DPP6: variants seen among roughly 807,000 people sequenced by gnomAD.
DPP6 encodes dipeptidyl peptidase like 6.
DPP6 carries 69 observed loss-of-function variants against 122.6 expected under a neutral mutation model. The ratio of observed to expected loss-of-function variants is 0.56; its 90% CI spans 0.46 to 0.69. DPP6 has a LOEUF of 0.69. Among genes scored for constraint, DPP6 ranks in the 30% least tolerant of loss-of-function variants. DPP6 has a pLI of 0.00. For synonymous variants in DPP6, 418 were observed against 433.1 expected (o/e 0.97, Z 0.43); for missense variants, 928 against 1,116.9 (o/e 0.83, Z 2.41).
chr7:154,474,520 G>C (rs994860308), intron 2 of DPP6, among the ~76,000 whole-genome samples: 2 of 152,220 alleles, frequency 1.3e-5, no homozygotes, highest in Admixed American at 1.3e-4. Context: ...CTGTGTCTTT[G>C]AATTCTCAGC....
chr7:154,023,316 C>CTGCACGCG (rs908724975), intron 1 of DPP6, among the ~76,000 whole-genome samples: 1 of 41,778 alleles, frequency 2.4e-5, no homozygotes, highest in African/African-American at 2.2e-4. Flanking sequence ...TGTTTCTTGT[C>CTGCACGCG]TGCACACACA....
At chr7:154,828,944 TAC>T (rs1217507910) in intron 16 of DPP6, among the ~76,000 whole-genome samples, 1 of 152,256 alleles carries the variant, frequency 6.6e-6, no homozygotes, top group Non-Finnish European at 1.5e-5. Flanking sequence ...GAACATCAAA[TAC>T]AGTCTCGGTC....
At chr7:154,177,255 T>C (rs1198085774) in intron 1 of DPP6, among the ~76,000 whole-genome samples, 1 of 152,018 alleles carries the variant, frequency 6.6e-6, no homozygotes, top group Non-Finnish European at 1.5e-5. Flanking sequence ...CAATACAAGG[T>C]TTTTGGTTGA....
At chr7:154,157,985 A>G (rs1427409420) in intron 1 of DPP6, among the ~76,000 whole-genome samples, 2 of 148,180 alleles carry the variant, frequency 1.3e-5, no homozygotes, top group African/African-American at 2.5e-5. Flanking sequence ...ATAAATATAT[A>G]TACATATATA....
chr7:154,870,615 A>AAAAC (rs1170440025), intron 18 of DPP6, among the ~76,000 whole-genome samples: 1 of 151,978 alleles, frequency 6.6e-6, no homozygotes, highest in Non-Finnish European at 1.5e-5. Context: ...CAAAAAACAA[A>AAAAC]AAACAAACAA....
intron 1 of DPP6, among the ~76,000 whole-genome samples, chr7:154,063,397 C>T (rs1329813343): frequency 3.0e-5 from 4 of 134,182 alleles, no homozygotes; most frequent in Non-Finnish European, 6.5e-5. Context: ...GGACTGAGAG[C>T]TATCCCCTCT....
chr7:154,285,743 A>T (rs796805410), intron 1 of DPP6, among the ~76,000 whole-genome samples: 13 of 152,372 alleles, frequency 8.5e-5, no homozygotes, highest in African/African-American at 2.4e-4. Flanking sequence ...TGATATCACA[A>T]TGCAGAGGTG....
chr7:154,257,053 G>A (rs1585757438), intron 1 of DPP6, among the ~76,000 whole-genome samples: 1 of 145,722 alleles, frequency 6.9e-6, no homozygotes, highest in Admixed American at 7.1e-5. Context: ...TTGGAAAGCA[G>A]TGGTGTGATC....
In DPP6 at chr7:154,023,318, G is replaced by GCACGCACACACACACA. The variant is rs373378162; in HGVS notation, c.51+135587_51+135588insGCACACACACACACAC. On this transcript the variant is annotated intron_variant, in intron 1 of 25. Coordinates refer to the DPP6 transcript ENST00000404039. The stretch of plus-strand genomic sequence containing the variant: ...CAGGCTCTGGAAATGTTTCTTGTCT[G>GCACGCACACACACACA]CACACACACACACACACACACACAC... Among the ~76,000 whole-genome samples the GCACGCACACACACACA allele has an allele frequency of 3.4e-3, 436 of 129,604 alleles. 10 individuals carry two copies. Among genetic ancestry groups the GCACGCACACACACACA allele is most frequent in the African/African-American group, 0.013 (392 of 31,162 alleles). The allele number at this position is 129,604 out of a possible 152,430, so 85.0% of individuals were successfully genotyped here. A position where few individuals can be genotyped will look rare whatever the true frequency, so the allele number is the denominator to read the frequency against.
intron 1 of DPP6, among the ~76,000 whole-genome samples, chr7:154,178,874 A>G (rs894758276): frequency 6.6e-6 from 1 of 152,180 alleles, no homozygotes; most frequent in African/African-American, 2.4e-5. Flanking sequence ...CATGTCCACC[A>G]CTAGCAAAGA....
At chr7:154,213,212 A>G (rs978322543) in intron 1 of DPP6, among the ~76,000 whole-genome samples, 3 of 152,214 alleles carry the variant, frequency 2.0e-5, no homozygotes, top group Admixed American at 2.0e-4. Context: ...AAAAGGAGCC[A>G]CCGTGGTCAG....
chr7:154,818,361 G>T (rs914675791), intron 16 of DPP6, among the ~76,000 whole-genome samples: 1 of 152,286 alleles, frequency 6.6e-6, no homozygotes, highest in African/African-American at 2.4e-5. Flanking sequence ...TGGCTCAGGG[G>T]TGATACTGAT....
chr7:153,934,834 C>T (rs990356314), intron 1 of DPP6, among the ~76,000 whole-genome samples: 3 of 152,212 alleles, frequency 2.0e-5, no homozygotes, highest in Admixed American at 1.3e-4. Flanking sequence ...GTGAGCTGCA[C>T]AGTCTCAGCA....
rs1247106299 is a variant in DPP6 at position 154,007,296 on chromosome 7, G to A, written c.51+119562G>A. Among the ~76,000 whole-genome samples, 3 of 152,214 alleles carry A rather than the reference G, an allele frequency of 2.0e-5. No individual in the cohort carries two copies. In the East Asian group the frequency reaches 5.8e-4, roughly 29 times the overall value. ...TCTGTGAGTATAGACATTGTTATTTGTTCCTTTCACTTTTTAAAGTGAATT... is the reference window on the plus strand; with the variant it reads ...TCTGTGAGTATAGACATTGTTATTTATTCCTTTCACTTTTTAAAGTGAATT... On this transcript the variant is annotated intron_variant, in intron 1 of 25. Coordinates refer to the DPP6 transcript ENST00000404039.
the DPP6 span, among the ~76,000 whole-genome samples, chr7:153,836,312 T>A: frequency 1.3e-5 from 2 of 152,098 alleles, no homozygotes; most frequent in Non-Finnish European, 2.9e-5. Flanking sequence ...TGCAATATTA[T>A]CTATCAAAGC....
Position 154,821,653 on chromosome 7 carries a change from T to TATATATACATATATATACAC in DPP6, c.1666+14548_1666+14549insCATATATATACACATATATA, listed in dbSNP as rs1554477670. 9.3e-6 allele frequency among the ~76,000 whole-genome samples: 1 copy of TATATATACATATATATACAC among 107,094 alleles called. No homozygotes were observed. The highest frequency in any genetic ancestry group is 2.1e-5 in the Non-Finnish European group (1 of 48,268). 70.3% of individuals were successfully genotyped at this position (107,094 alleles called of 152,430 possible). Reference sequence around the variant, plus strand: ...GTATATATATATATATATACACATATATATATATATACACATATATATATA... The same window carrying TATATATACATATATATACAC: ...GTATATATATATATATATACACATATATATATACATATATATACACATATATATATACACATATATATATA... On this transcript the variant is annotated intron_variant, in intron 16 of 25. Transcript: ENST00000377770. The surrounding 1 kb of genome is among the most constrained non-coding windows in gnomAD (Gnocchi z 4.2).
intron 3 of DPP6, among the ~76,000 whole-genome samples, chr7:154,523,461 C>G (rs1220283113): frequency 6.6e-6 from 1 of 152,178 alleles, no homozygotes; most frequent in Non-Finnish European, 1.5e-5. Flanking sequence ...TCCCATACAT[C>G]CACAGGAACA....
chr7:154,793,067 G>C (rs1296825503), intron 10 of DPP6, among the ~76,000 whole-genome samples: 1 of 152,198 alleles, frequency 6.6e-6, no homozygotes, highest in East Asian at 1.9e-4. Context: ...GGCTATAGTC[G>C]TTTCTGTTAA....
intron 8 of DPP6, among the ~76,000 whole-genome samples, chr7:154,737,782 A>C (rs966579786): frequency 6.6e-6 from 1 of 152,224 alleles, no homozygotes; most frequent in Admixed American, 6.5e-5. Context: ...CCAGGCTTGA[A>C]CCATCTGTGC....
Sources: allele counts gnomAD v4.1 joint callset (sites outside exome capture counted in the v4.1 genomes callset), GRCh38; gene constraint gnomAD v4.1.1; non-coding constraint Gnocchi (gnomAD v3.1); transcripts MANE v1.5; gene names NCBI Gene and HGNC (gene_info 2026-07-23, HGNC 2026-07-21).